The following FBP1 variants were observed in gnomAD, a reference collection of about 807,000 sequenced individuals.
FBP1 encodes fructose-bisphosphatase 1, also known as fructose-1,6-bisphosphatase 1.
Under a neutral mutation model 29.9 loss-of-function variants are expected in FBP1, and 22 were observed. The ratio of observed to expected loss-of-function variants is 0.74; its 90% confidence interval spans 0.53 to 1.05. The LOEUF is 1.05. Ranked by LOEUF, FBP1 falls within the 50% of genes least tolerant of loss-of-function variation. The probability of loss-of-function intolerance (pLI) is 0.00; values close to 1 mark genes in which losing one functional copy is unlikely to be tolerated. For missense variants in FBP1, 345 were observed against 448.2 expected (o/e 0.77, Z 2.08); for synonymous variants, 175 against 178.6 (o/e 0.98, Z 0.16).
chr9:94,615,482 G>T (rs1249312475), intron 3 of FBP1, among the ~76,000 whole-genome samples: 1 of 152,178 alleles, frequency 6.6e-6, no homozygotes, highest in African/African-American at 2.4e-5. Context: ...CTGCAAGGAA[G>T]AATTTTGCTA....
intron 1 of FBP1, among the ~76,000 whole-genome samples, chr9:94,638,570 A>G (rs190622191): frequency 1.4e-5 from 2 of 147,502 alleles, no homozygotes; most frequent in East Asian, 4.4e-4. Flanking sequence ...CTTTGCACAC[A>G]AGCCCTGCTG....
chr9:94,618,473 A>G (rs1488210215), intron 2 of FBP1, among the ~76,000 whole-genome samples: 1 of 150,034 alleles, frequency 6.7e-6, no homozygotes, highest in East Asian at 1.9e-4. Flanking sequence ...AAAAAAAAAA[A>G]AAAAAAAAAA....
rs28369742 is a variant in FBP1, at chr9:94,608,863, C to T, written c.567+1058G>A. Among the ~76,000 whole-genome samples, 1,210 of 152,218 alleles carry T rather than the reference C, an allele frequency of 7.9e-3. 20 individuals carry two copies. The highest frequency in any genetic ancestry group is 0.028 in the African/African-American group (1,160 of 41,502). ...GGGTTCAGTTTGCCAGCAAAAAGCACTTTACACATAGTTCACTAATGTCAT... is the reference window on the plus strand; with the variant it reads ...GGGTTCAGTTTGCCAGCAAAAAGCATTTTACACATAGTTCACTAATGTCAT... On this transcript the variant is annotated intron_variant, in intron 4 of 6. Coordinates refer to ENST00000375326, the MANE Select transcript of FBP1 (RefSeq NM_000507.4).
At chr9:94,604,810 TAAG>T (rs1827672824) in intron 6 of FBP1, among the ~76,000 whole-genome samples, 2 of 152,054 alleles carry the variant, frequency 1.3e-5, no homozygotes, top group African/African-American at 4.8e-5. Context: ...TGGGAAAACA[TAAG>T]AAGGACACAA....
chr9:94,609,335 C>A (rs1228841511), intron 4 of FBP1, among the ~76,000 whole-genome samples: 1 of 152,190 alleles, frequency 6.6e-6, no homozygotes, highest in African/African-American at 2.4e-5. Flanking sequence ...AGGAAAACAG[C>A]CTTTTGGTGA....
chr9:94,637,668 G>A (rs1340528889), intron 1 of FBP1, among the ~76,000 whole-genome samples: 1 of 152,140 alleles, frequency 6.6e-6, no homozygotes, highest in Non-Finnish European at 1.5e-5. Flanking sequence ...TGGGATGACA[G>A]GCTAGAGCCT....
At chr9:94,622,737 C>G (rs571233537) in intron 1 of FBP1, among the ~76,000 whole-genome samples, 1 of 152,174 alleles carries the variant, frequency 6.6e-6, no homozygotes. Context: ...AGATGTCTAT[C>G]GAGCTTTGAG....
chr9:94,623,455 C>T (rs528586177), intron 1 of FBP1, among the ~76,000 whole-genome samples: 14 of 152,316 alleles, frequency 9.2e-5, no homozygotes, highest in Admixed American at 4.6e-4. Context: ...TGCCCCCACG[C>T]GGCTGTCAGA....
intron 6 of FBP1, chr9:94,603,942 G>A (rs1754435): frequency 0.35 from 118,319 of 334,598 alleles, 21,839 homozygotes; most frequent in East Asian, 0.55. Context: ...ATGGAGCTTC[G>A]CCTATTCTAA....
intron 4 of FBP1, among the ~76,000 whole-genome samples, chr9:94,607,542 C>T (rs1341404594): frequency 6.6e-6 from 1 of 152,146 alleles, no homozygotes; most frequent in African/African-American, 2.4e-5. Context: ...TGCTCGCTGG[C>T]GTGTGAAGTT....
At chr9:94,611,860 G>T (rs900760603) in intron 3 of FBP1, among the ~76,000 whole-genome samples, 3 of 152,164 alleles carry the variant, frequency 2.0e-5, no homozygotes, top group Admixed American at 2.0e-4. Context: ...ATGTGAAGGG[G>T]TGACCTTCAC....
intron 1 of FBP1, among the ~76,000 whole-genome samples, chr9:94,629,550 C>G (rs1364162557): frequency 6.6e-6 from 1 of 152,100 alleles, no homozygotes; most frequent in Non-Finnish European, 1.5e-5. Context: ...GCTGAAGGCA[C>G]CAGCCTCCAG....
chr9:94,613,674 G>A (rs1351503937), intron 3 of FBP1, among the ~76,000 whole-genome samples: 1 of 152,114 alleles, frequency 6.6e-6, no homozygotes, highest in Admixed American at 6.5e-5. Context: ...GCTGAGGTAG[G>A]AGGATGGCTT....
chr9:94,626,418 G>A (rs138826378), intron 1 of FBP1, among the ~76,000 whole-genome samples: 1 of 152,250 alleles, frequency 6.6e-6, no homozygotes, highest in East Asian at 1.9e-4. Context: ...TGTCCCTCAT[G>A]TCTCCAGGTC....
intron 1 of FBP1, among the ~76,000 whole-genome samples, chr9:94,626,157 A>G (rs1205953421): frequency 6.6e-6 from 1 of 152,064 alleles, no homozygotes; most frequent in African/African-American, 2.4e-5. Context: ...GCTATCCTCC[A>G]GTTGTCTTTG....
Position 94,639,173 on chromosome 9 carries a change from A to G in FBP1, c.138T>C (p.Ser46=), listed in dbSNP as rs1313517488. The change falls in exon 1 of 7, where the codon TCT becomes TCC. Residue 46 remains serine (S), a synonymous_variant. Transcript: ENST00000375326. Reference sequence around the variant, plus strand: ...CGATGCCCGCCTTGCGCACCGCCGAAGAGATGGCTTTGACTGCTGTGCAGA... The same window carrying G: ...CGATGCCCGCCTTGCGCACCGCCGAGGAGATGGCTTTGACTGCTGTGCAGA... The part of the protein sequence containing the change: ...NSLCTAVKAI[S]SAVRKAGIAH... 3 of 1,605,768 alleles carry G rather than the reference A, an allele frequency of 1.9e-6. No homozygotes were observed. Among genetic ancestry groups the G allele is most frequent in the Middle Eastern group, 3.3e-4 (2 of 6,022 alleles).
chr9:94,623,029 G>A (rs952962433), intron 1 of FBP1, among the ~76,000 whole-genome samples: 5 of 151,902 alleles, frequency 3.3e-5, no homozygotes, highest in Non-Finnish European at 7.4e-5. Context: ...CTGTTGTCCA[G>A]GCTGGTGTGC....
rs199970657 is a variant in FBP1, at chr9:94,639,320, G to C, written c.-10C>G. The C allele has an allele frequency of 1.7e-5, 28 of 1,604,566 alleles. No homozygotes were observed. The South Asian group carries it at 3.1e-4, about 18-fold the overall frequency. ...GCGCCTGGTCAGCCATGCTTGAACC[G>C]GGTAGAGCGCGGGGCTGCAGGTGCA... On this transcript the variant is annotated 5_prime_UTR_variant, in exon 1 of 7. Transcript: ENST00000375326.
At chr9:94,616,507 C>T (rs1462616839) in intron 3 of FBP1, among the ~76,000 whole-genome samples, 3 of 131,888 alleles carry the variant, frequency 2.3e-5, no homozygotes, top group Non-Finnish European at 3.3e-5. Flanking sequence ...GTGGTGTGAT[C>T]TCGGCTCACT....
Sources: allele counts gnomAD v4.1 joint callset (sites outside exome capture counted in the v4.1 genomes callset), GRCh38; gene constraint gnomAD v4.1.1; transcripts MANE v1.5; gene names NCBI Gene and HGNC (gene_info 2026-07-23, HGNC 2026-07-21).